Variants in ACP3 observed in about 807,000 individuals in gnomAD.
The protein encoded by ACP3 is acid phosphatase 3.
Under a neutral mutation model 45.6 loss-of-function variants are expected in ACP3, and 38 were observed. That is an observed-to-expected ratio of 0.83 (90% CI 0.64 to 1.09). The LOEUF is 1.09. ACP3 is among the 50% of genes least tolerant of loss of function. ACP3 has a pLI of 0.00. For synonymous variants in ACP3, 162 were observed against 164.7 expected (o/e 0.98, Z 0.13); for missense variants, 466 against 463.2 (o/e 1.01, Z -0.05).
At chr3:132,317,956 A>G (rs1274995812) in intron 1 of ACP3, among the ~76,000 whole-genome samples, 2 of 152,242 alleles carry the variant, frequency 1.3e-5, no homozygotes, top group East Asian at 3.9e-4. Context: ...TTTGTTTGCA[A>G]GCCAAAAAAC....
rs1576410633 is a variant in ACP3 at position 132,328,667 on chromosome 3, A to G, written c.216+305A>G. On this transcript the variant is annotated intron_variant, in intron 2 of 9. Coordinates refer to ENST00000336375, the MANE Select transcript of ACP3 (RefSeq NM_001099.5). The stretch of plus-strand genomic sequence containing the variant: ...GCACTCCAGCCTGGGCAACAAGAGT[A>G]AAACTCTATCTCAAAAAAAAAAAAA... 1.4e-5 allele frequency among the ~76,000 whole-genome samples: 2 copies of G among 144,876 alleles called. 1 individual carries two copies. The highest frequency in any genetic ancestry group is 5.1e-5 in the African/African-American group (2 of 38,996).
At chr3:132,330,675 A>G (rs1937384117) in intron 2 of ACP3, among the ~76,000 whole-genome samples, 3 of 152,302 alleles carry the variant, frequency 2.0e-5, no homozygotes, top group South Asian at 4.2e-4. Flanking sequence ...AGTGGTGGTC[A>G]AGCAAATGAC....
At chr3:132,359,424 C>T (rs1271251647), downstream of ACP3, among the ~76,000 whole-genome samples, 9 of 152,122 alleles carry the variant, frequency 5.9e-5, no homozygotes, top group South Asian at 2.1e-4. Flanking sequence ...AGGAGAATGG[C>T]GTGAACCCGG....
intron 10 of ACP3, among the ~76,000 whole-genome samples, chr3:132,366,139 A>C (rs1938128263): frequency 6.6e-6 from 1 of 152,050 alleles, no homozygotes; most frequent in Non-Finnish European, 1.5e-5. Flanking sequence ...CATCTCTACA[A>C]ATAATACAAA....
In ACP3 at chr3:132,358,716, C is replaced by A. The variant is rs895170793; in HGVS notation, c.*1838C>A. On this transcript the variant is annotated 3_prime_UTR_variant, in exon 10 of 10. Coordinates refer to ENST00000336375, the MANE Select transcript of ACP3 (RefSeq NM_001099.5). The stretch of plus-strand genomic sequence containing the variant: ...CTTGTAACTGTCTTCTAGCAGTGAG[C>A]CAAATGTAAAATAGTGAATAAAGTC... 3.0e-6 allele frequency: 3 copies of A among 998,292 alleles called. No homozygotes were observed. Among genetic ancestry groups the A allele is most frequent in the Admixed American group, 6.0e-5 (1 of 16,692 alleles). The allele number at this position is 998,292 out of a possible 1,614,324, so 61.8% of individuals were successfully genotyped here. A position where few individuals can be genotyped will look rare whatever the true frequency, so the allele number is the denominator to read the frequency against.
intron 10 of ACP3, among the ~76,000 whole-genome samples, chr3:132,367,236 T>C (rs73215957): frequency 0.12 from 18,988 of 152,192 alleles, 1,407 homozygotes; most frequent in Non-Finnish European, 0.18. Context: ...ATGCTAGAAA[T>C]GTTTGCCATA....
intron 7 of ACP3, among the ~76,000 whole-genome samples, chr3:132,345,646 AT>A (rs1405366245): frequency 1.3e-5 from 2 of 152,154 alleles, no homozygotes; most frequent in Non-Finnish European, 1.5e-5. Context: ...ACAGCTTGAA[AT>A]TTTTCATTGA....
chr3:132,325,445 C>T (rs1419713988), intron 1 of ACP3, among the ~76,000 whole-genome samples: 1 of 152,184 alleles, frequency 6.6e-6, no homozygotes, highest in Non-Finnish European at 1.5e-5. Flanking sequence ...CTTCAAAACA[C>T]TCTGCTAAGG....
At chr3:132,347,126 A>G (rs1010586990) in intron 7 of ACP3, among the ~76,000 whole-genome samples, 1 of 152,234 alleles carries the variant, frequency 6.6e-6, no homozygotes, top group Non-Finnish European at 1.5e-5. Flanking sequence ...TAGACTGTCT[A>G]TAAGAGTCCT....
chr3:132,352,383 G>C (rs959485810), intron 8 of ACP3, among the ~76,000 whole-genome samples: 2 of 142,538 alleles, frequency 1.4e-5, no homozygotes, highest in African/African-American at 5.1e-5. Flanking sequence ...TTTTTAGTAG[G>C]GATGGGGTTT....
At chr3:132,344,811 T>C in intron 6 of ACP3, 116 bp from the exon 7 acceptor site, 1 of 1,186,996 alleles carries the variant, frequency 8.4e-7, no homozygotes, top group East Asian at 2.4e-5. Context: ...TAGAAAGAAA[T>C]GGCAGGACAA....
intron 1 of ACP3, among the ~76,000 whole-genome samples, chr3:132,324,224 A>G (rs956935222): frequency 6.6e-6 from 1 of 151,856 alleles, no homozygotes; most frequent in Non-Finnish European, 1.5e-5. Context: ...ATCTCAAAAA[A>G]AAAAAAAAAA....
At chr3:132,367,384 T>C (rs141919122) in intron 10 of ACP3, among the ~76,000 whole-genome samples, 219 of 152,326 alleles carry the variant, frequency 1.4e-3, no homozygotes, top group African/African-American at 5.2e-3. Context: ...CCTGAGACCA[T>C]GGACAATTGG....
intron 3 of ACP3, 81 bp from the exon 4 acceptor site, chr3:132,332,111 T>C: frequency 1.3e-6 from 2 of 1,506,980 alleles, no homozygotes; most frequent in Non-Finnish European, 1.8e-6. Flanking sequence ...TCCTTTCCTT[T>C]CTCTAATACC....
chr3:132,355,307 T>A (rs1179888927), intron 9 of ACP3, among the ~76,000 whole-genome samples: 2 of 152,214 alleles, frequency 1.3e-5, no homozygotes, highest in Non-Finnish European at 2.9e-5. Flanking sequence ...TTCTGAGCCA[T>A]AATTCAATTC....
At chr3:132,355,756 T>C (rs1937876712) in intron 9 of ACP3, among the ~76,000 whole-genome samples, 2 of 152,152 alleles carry the variant, frequency 1.3e-5, no homozygotes, top group African/African-American at 4.8e-5. Flanking sequence ...GACCTCGTGA[T>C]CCACCCGCCT....
chr3:132,366,324 G>A (rs1184126982), intron 10 of ACP3, among the ~76,000 whole-genome samples: 1 of 151,762 alleles, frequency 6.6e-6, no homozygotes, highest in Non-Finnish European at 1.5e-5. Flanking sequence ...AATTACAAAG[G>A]AGAAAGGATA....
intron 7 of ACP3, among the ~76,000 whole-genome samples, chr3:132,347,033 C>T (rs376392771): frequency 4.6e-5 from 7 of 152,124 alleles, no homozygotes; most frequent in African/African-American, 1.7e-4. Context: ...CTTTTATTTC[C>T]CTTGCCTACT....
intron 8 of ACP3, among the ~76,000 whole-genome samples, 155 bp from the exon 9 acceptor site, chr3:132,352,565 T>C (rs1269962157): frequency 1.3e-5 from 2 of 152,208 alleles, no homozygotes; most frequent in African/African-American, 4.8e-5. Flanking sequence ...ACACCGCTAA[T>C]GCTCAACCAA....
Sources: allele counts gnomAD v4.1 joint callset (sites outside exome capture counted in the v4.1 genomes callset), GRCh38; gene constraint gnomAD v4.1.1; transcripts MANE v1.5; gene names NCBI Gene and HGNC (gene_info 2026-07-23, HGNC 2026-07-21).